Variants in ENTREP2 observed in about 807,000 individuals in gnomAD.
ENTREP2 encodes endosomal transmembrane epsin interactor 2.
the ENTREP2 span, among the ~76,000 whole-genome samples, chr15:29,417,712 A>G: frequency 1.8e-4 from 28 of 152,038 alleles, no homozygotes; most frequent in Admixed American, 3.3e-4. Context: ...TGGCTGAAAT[A>G]TATATGTATG....
At chr15:29,345,052 G>A in the ENTREP2 span, among the ~76,000 whole-genome samples, 1 of 151,974 alleles carries the variant, frequency 6.6e-6, no homozygotes, top group East Asian at 1.9e-4. Flanking sequence ...CCTACATTAA[G>A]TGGGAACAAT....
At chr15:29,484,556 T>TAC in the ENTREP2 span, among the ~76,000 whole-genome samples, 3 of 152,010 alleles carry the variant, frequency 2.0e-5, no homozygotes, top group Non-Finnish European at 4.4e-5. Context: ...CATGCATGTG[T>TAC]ACACACACAC....
chr15:29,224,843 G>A, the ENTREP2 span, among the ~76,000 whole-genome samples: 1 of 152,194 alleles, frequency 6.6e-6, no homozygotes, highest in Non-Finnish European at 1.5e-5. Context: ...GTGGAGCAGG[G>A]GGCGGTGCAC....
chr15:29,654,179 T>C, the ENTREP2 span, among the ~76,000 whole-genome samples: 1 of 152,242 alleles, frequency 6.6e-6, no homozygotes, highest in Non-Finnish European at 1.5e-5. Flanking sequence ...TCTCTAATTG[T>C]TTTTGATGTT....
the ENTREP2 span, among the ~76,000 whole-genome samples, chr15:29,250,254 T>A: frequency 6.6e-6 from 1 of 152,150 alleles, no homozygotes; most frequent in Non-Finnish European, 1.5e-5. Context: ...GCTGCACACA[T>A]TGCCCCCAAG....
At chr15:29,367,075 A>G in the ENTREP2 span, among the ~76,000 whole-genome samples, 5 of 152,240 alleles carry the variant, frequency 3.3e-5, no homozygotes, top group African/African-American at 9.6e-5. Flanking sequence ...CAAGTTGCTC[A>G]TAACTCTGGA....
At chr15:29,437,786 T>C in the ENTREP2 span, among the ~76,000 whole-genome samples, 2 of 152,142 alleles carry the variant, frequency 1.3e-5, no homozygotes, top group Non-Finnish European at 2.9e-5. Flanking sequence ...CAATCAGAAC[T>C]TGGATTTTAG....
chr15:29,459,957 C>A, the ENTREP2 span, among the ~76,000 whole-genome samples: 1 of 152,224 alleles, frequency 6.6e-6, no homozygotes, highest in Non-Finnish European at 1.5e-5. Context: ...CTAAACACAG[C>A]TATTTCAGGC....
chr15:29,588,603 G>A, the ENTREP2 span, among the ~76,000 whole-genome samples: 29 of 146,932 alleles, frequency 2.0e-4, no homozygotes, highest in African/African-American at 6.9e-4. Context: ...AAGGAAGGAA[G>A]GAAAGAAAAG....
the ENTREP2 span, among the ~76,000 whole-genome samples, chr15:29,592,628 T>C: frequency 6.6e-6 from 1 of 152,144 alleles, no homozygotes; most frequent in Non-Finnish European, 1.5e-5. Context: ...ACATGCTTCT[T>C]GGGGGTGCTA....
At chr15:29,625,248 C>CAG in the ENTREP2 span, among the ~76,000 whole-genome samples, 1,511 of 152,236 alleles carry the variant, frequency 9.9e-3, 25 homozygotes, top group African/African-American at 0.035. Context: ...ATGGATGAAC[C>CAG]AGTTTGTTCA....
At chr15:29,650,647 C>G in the ENTREP2 span, among the ~76,000 whole-genome samples, 2 of 151,930 alleles carry the variant, frequency 1.3e-5, no homozygotes, top group Non-Finnish European at 2.9e-5. Context: ...TCTTCAGTTT[C>G]CAGAAAAGGT....
At chr15:29,522,640 G>A in the ENTREP2 span, among the ~76,000 whole-genome samples, 1 of 152,278 alleles carries the variant, frequency 6.6e-6, no homozygotes, top group East Asian at 1.9e-4. Flanking sequence ...CAGGAGCCTT[G>A]CAAACCAATA....
the ENTREP2 span, among the ~76,000 whole-genome samples, chr15:29,137,601 G>T: frequency 6.6e-6 from 1 of 152,132 alleles, no homozygotes; most frequent in Non-Finnish European, 1.5e-5. Flanking sequence ...TTGTGAGGCC[G>T]AGGCGGGTGG....
chr15:29,490,247 T>A, the ENTREP2 span, among the ~76,000 whole-genome samples: 123 of 150,580 alleles, frequency 8.2e-4, no homozygotes, highest in Non-Finnish European at 1.4e-3. Flanking sequence ...TCTCTCCCAA[T>A]GGGTTTATGG....
the ENTREP2 span, among the ~76,000 whole-genome samples, chr15:29,224,119 C>G: frequency 2.3e-3 from 353 of 151,258 alleles, 1 homozygote; most frequent in African/African-American, 8.4e-3. Context: ...GATGCGTTCA[C>G]AGTTTCTTCC....
chr15:29,352,673 C>A, the ENTREP2 span, among the ~76,000 whole-genome samples: 2 of 152,194 alleles, frequency 1.3e-5, no homozygotes, highest in South Asian at 2.1e-4. Flanking sequence ...CATCCCCACA[C>A]CCTGGCTGCC....
the ENTREP2 span, among the ~76,000 whole-genome samples, chr15:29,434,555 CA>C: frequency 2.0e-5 from 3 of 152,098 alleles, no homozygotes; most frequent in Admixed American, 6.6e-5. Flanking sequence ...ACAGAATACC[CA>C]GATCACACAG....
the ENTREP2 span, among the ~76,000 whole-genome samples, chr15:29,503,403 G>T: frequency 2.6e-5 from 4 of 152,282 alleles, no homozygotes; most frequent in African/African-American, 9.6e-5. Flanking sequence ...CATAGAAACA[G>T]ATAGTAGATT....
Sources: allele counts gnomAD v4.1 joint callset (sites outside exome capture counted in the v4.1 genomes callset), GRCh38; gene constraint gnomAD v4.1.1; transcripts MANE v1.5; gene names NCBI Gene and HGNC (gene_info 2026-07-23, HGNC 2026-07-21).